Variants in CNKSR3 observed in about 807,000 individuals in gnomAD.
CNKSR3 encodes the protein connector enhancer of kinase suppressor of ras 3.
CNKSR3 carries 36 observed loss-of-function variants against 67.7 expected under a neutral mutation model. The ratio of observed to expected loss-of-function variants is 0.53; its 90% CI spans 0.41 to 0.70. The LOEUF (loss-of-function observed/expected upper bound fraction) is 0.70, where lower values mean the gene tolerates loss of function less well. Among genes scored for constraint, CNKSR3 ranks in the 30% least tolerant of loss-of-function variants. CNKSR3 has a pLI of 0.00. For missense variants in CNKSR3, 630 were observed against 695.2 expected (o/e 0.91, Z 1.05); for synonymous variants, 281 against 271.4 (o/e 1.04, Z -0.35).
intron 1 of CNKSR3, among the ~76,000 whole-genome samples, chr6:154,465,140 CAAAA>C (rs59986165): frequency 1.0e-4 from 7 of 69,068 alleles, no homozygotes; most frequent in African/African-American, 3.3e-4. Flanking sequence ...GATTCTGTCT[CAAAA>C]AAAAAAAAAA....
intron 1 of CNKSR3, among the ~76,000 whole-genome samples, chr6:154,476,513 T>G (rs1786456147): frequency 6.6e-6 from 1 of 151,882 alleles, no homozygotes; most frequent in African/African-American, 2.4e-5. Context: ...GTTCTCATTT[T>G]AGAAAGCAGA....
chr6:154,448,018 T>C (rs1785741493), intron 2 of CNKSR3, among the ~76,000 whole-genome samples: 1 of 152,170 alleles, frequency 6.6e-6, no homozygotes, highest in Non-Finnish European at 1.5e-5. Context: ...AACCCCTAAG[T>C]GACCCCCCCT....
At chr6:154,469,213 A>AT (rs1786271731) in intron 1 of CNKSR3, among the ~76,000 whole-genome samples, 1 of 152,044 alleles carries the variant, frequency 6.6e-6, no homozygotes, top group Admixed American at 6.6e-5. Flanking sequence ...CTCATCTTCA[A>AT]CCCCATTTTG....
At position 154,401,824 on chromosome 6, in the gene CNKSR3, G is replaced by A. The variant is rs981311810; in HGVS notation, c.*4530C>T. 4.6e-5 allele frequency: 7 copies of A among 152,246 alleles called. No homozygotes were observed. The highest frequency in any genetic ancestry group is 1.0e-4 in the Non-Finnish European group (7 of 68,048). The allele number at this position is 152,246 out of a possible 1,614,324, so 9.4% of individuals were successfully genotyped here. ...TGCCTATGGTGGCAAAAGGCAGCAT[G>A]AGTCTCATGCTTTGCTGGTGACATT... On this transcript the variant is annotated 3_prime_UTR_variant, in exon 13 of 13. Transcript: ENST00000607772.
At position 154,510,219 on chromosome 6, in the gene CNKSR3, T is replaced by C; in HGVS notation, c.-105A>G. On this transcript the variant is annotated 5_prime_UTR_variant, in exon 1 of 13. Coordinates refer to ENST00000607772, the MANE Select transcript of CNKSR3 (RefSeq NM_173515.4). ...GAGGGCGCGCCCGCGGCTGCTCCCC[T>C]GCGCCCGAGCGACTCCGTCAAGACT... is the stretch of plus-strand genomic sequence containing the variant. The C allele has an allele frequency of 2.9e-6, 4 of 1,359,402 alleles. No homozygotes were observed. The highest frequency in any genetic ancestry group is 4.2e-6 in the Non-Finnish European group (4 of 961,484). The allele number at this position is 1,359,402 out of a possible 1,614,324, so 84.2% of individuals were successfully genotyped here. A position where few individuals can be genotyped will look rare whatever the true frequency, so the allele number is the denominator to read the frequency against.
At chr6:154,414,643 G>A (rs1193997038) in intron 9 of CNKSR3, 1 of 621,974 alleles carries the variant, frequency 1.6e-6, no homozygotes, top group South Asian at 1.5e-5. Flanking sequence ...GTGGCAAGAA[G>A]CAGAGGCTTA....
At chr6:154,417,737 G>A (rs1785052028) in intron 9 of CNKSR3, among the ~76,000 whole-genome samples, 1 of 152,022 alleles carries the variant, frequency 6.6e-6, no homozygotes, top group Non-Finnish European at 1.5e-5. Context: ...ATATATGGAG[G>A]GAAGACCACA....
intron 4 of CNKSR3, 23 bp downstream of exon 4, chr6:154,441,269 A>AAAG: frequency 7.7e-7 from 1 of 1,304,552 alleles, no homozygotes; most frequent in Non-Finnish European, 1.1e-6. Flanking sequence ...AAAAAAAGAA[A>AAAG]GTGAAAATGA....
At chr6:154,410,816 G>A (rs1784894198) in intron 11 of CNKSR3, 118 bp downstream of exon 11, 1 of 760,802 alleles carries the variant, frequency 1.3e-6, no homozygotes, top group Non-Finnish European at 2.2e-6. Context: ...TGAGGTTTAT[G>A]TTTTCCTCAG....
intron 4 of CNKSR3, among the ~76,000 whole-genome samples, chr6:154,440,516 T>A (rs6900046): frequency 0.58 from 88,395 of 151,952 alleles, 26,582 homozygotes; most frequent in East Asian, 0.75. Context: ...AATTTTTTTT[T>A]AAATTAAGAT....
rs547075846 is a variant in CNKSR3, at chr6:154,406,359, G to A, written c.1663C>T (p.His555Tyr). 4 of 1,611,086 alleles carry A rather than the reference G, an allele frequency of 2.5e-6. No individual in the cohort carries two copies. The South Asian group carries it at 4.4e-5, about 18-fold the overall frequency. ...SWFTRLKLLT[H>Y] The stretch of plus-strand genomic sequence containing the variant: ...TGGCCTGAGCAGGGTCCCTCTCAGT[G>A]AGTCAACAGTTTGAGGCGCGTAAAC... The change falls in exon 13 of 13, where the codon CAC becomes TAC. Residue 555 changes from histidine (H) to tyrosine (Y), a missense_variant. By Grantham distance (83) the His-to-Tyr change is moderately conservative. This residue lies in a region of CNKSR3 where 308 missense variants were observed against 299.6 expected (regional missense o/e 1.03). Coordinates refer to ENST00000607772, the MANE Select transcript of CNKSR3 (RefSeq NM_173515.4).
intron 4 of CNKSR3, among the ~76,000 whole-genome samples, chr6:154,434,907 C>A (rs1393909840): frequency 6.6e-6 from 1 of 151,962 alleles, no homozygotes; most frequent in Non-Finnish European, 1.5e-5. Context: ...CACATTTCAA[C>A]CTTAGAAACA....
chr6:154,482,501 T>C (rs1250907702), intron 1 of CNKSR3, among the ~76,000 whole-genome samples: 6 of 152,254 alleles, frequency 3.9e-5, no homozygotes, highest in Admixed American at 3.9e-4. Context: ...GCATAAGCCC[T>C]ACTTCTAAAA....
At chr6:154,479,810 G>T (rs904121186) in intron 1 of CNKSR3, among the ~76,000 whole-genome samples, 2 of 152,184 alleles carry the variant, frequency 1.3e-5, no homozygotes, top group African/African-American at 4.8e-5. Flanking sequence ...ACCTGGAAGA[G>T]ACTTTAAAAT....
At chr6:154,482,759 TTAAA>T (rs1257617888) in intron 1 of CNKSR3, among the ~76,000 whole-genome samples, 2 of 152,228 alleles carry the variant, frequency 1.3e-5, no homozygotes, top group Admixed American at 6.5e-5. Flanking sequence ...GTTCTGTTGT[TTAAA>T]TATTCTTTTA....
chr6:154,493,486 A>T (rs1786820606), intron 1 of CNKSR3, among the ~76,000 whole-genome samples: 1 of 152,364 alleles, frequency 6.6e-6, no homozygotes, highest in East Asian at 1.9e-4. Context: ...TAATGAATGC[A>T]CAGTGAATAG....
intron 1 of CNKSR3, among the ~76,000 whole-genome samples, chr6:154,490,118 T>C (rs1331374979): frequency 6.6e-6 from 1 of 152,236 alleles, no homozygotes; most frequent in East Asian, 1.9e-4. Flanking sequence ...GAGTTTTTAA[T>C]GTTTTCTTAT....
At chr6:154,508,803 C>T (rs1269455821) in intron 1 of CNKSR3, among the ~76,000 whole-genome samples, 2 of 152,218 alleles carry the variant, frequency 1.3e-5, no homozygotes, top group East Asian at 3.8e-4. Flanking sequence ...AGGAAATGGT[C>T]AGACATACCC....
intron 1 of CNKSR3, among the ~76,000 whole-genome samples, chr6:154,472,965 T>C (rs1351045856): frequency 6.6e-6 from 1 of 152,108 alleles, no homozygotes; most frequent in Non-Finnish European, 1.5e-5. Context: ...ATCAATGAGC[T>C]TTTATGGAGG....
Sources: allele counts gnomAD v4.1 joint callset (sites outside exome capture counted in the v4.1 genomes callset), GRCh38; gene constraint gnomAD v4.1.1; regional missense constraint gnomAD v4.1.1; transcripts MANE v1.5; gene names NCBI Gene and HGNC (gene_info 2026-07-23, HGNC 2026-07-21).